Variants in GRIA4 observed in about 807,000 individuals in gnomAD.
GRIA4 encodes the protein glutamate ionotropic receptor AMPA type subunit 4, also known as glutamate receptor 4.
In GRIA4, 34 loss-of-function variants were observed where a neutral mutation model predicts 104.0. That is an observed-to-expected ratio of 0.33 (90% CI 0.25 to 0.44). The LOEUF is 0.44. GRIA4 is among the 20% of genes least tolerant of loss of function. GRIA4 has a pLI of 1.00. For missense variants in GRIA4, 750 were observed against 1,096.5 expected (o/e 0.68, Z 4.46); for synonymous variants, 386 against 381.9 (o/e 1.01, Z -0.13).
At chr11:105,911,315 T>C (rs1233581879) in intron 10 of GRIA4, among the ~76,000 whole-genome samples, 1 of 152,062 alleles carries the variant, frequency 6.6e-6, no homozygotes, top group African/African-American at 2.4e-5. Flanking sequence ...ATATCTTATA[T>C]ATTTTTCTCT....
chr11:105,640,624 C>G (rs1369889821), intron 3 of GRIA4, among the ~76,000 whole-genome samples: 1 of 151,158 alleles, frequency 6.6e-6, no homozygotes. Context: ...TTATTTTTTC[C>G]AGTGTTTGAC....
Position 105,949,458 on chromosome 11 carries a change from G to T in GRIA4, c.2294+15489G>T, listed in dbSNP as rs956593373. On this transcript the variant is annotated intron_variant, in intron 14 of 16. Coordinates refer to ENST00000282499, the MANE Select transcript of GRIA4 (RefSeq NM_000829.4). ...TTGCCCTGCATTAGGACTGAAAAGAGTATAAAGTACCCTAAAACACAGTTG... is the reference window on the plus strand; with the variant it reads ...TTGCCCTGCATTAGGACTGAAAAGATTATAAAGTACCCTAAAACACAGTTG... 4.6e-5 allele frequency among the ~76,000 whole-genome samples: 7 copies of T among 152,190 alleles called. No homozygotes were observed. The East Asian group carries it at 7.7e-4, about 17-fold the overall frequency.
At chr11:105,945,869 A>C (rs1179641819) in intron 14 of GRIA4, among the ~76,000 whole-genome samples, 1 of 152,188 alleles carries the variant, frequency 6.6e-6, no homozygotes, top group Non-Finnish European at 1.5e-5. Flanking sequence ...TATCAGCCAA[A>C]CAATAGTGCT....
chr11:105,611,514 A>G (rs2135238176), intron 2 of GRIA4, among the ~76,000 whole-genome samples: 1 of 152,314 alleles, frequency 6.6e-6, no homozygotes, highest in African/African-American at 2.4e-5. Context: ...CTATTACAGA[A>G]AGACACTGTT....
intron 3 of GRIA4, among the ~76,000 whole-genome samples, chr11:105,617,775 G>A (rs1247951464): frequency 6.6e-6 from 1 of 151,966 alleles, no homozygotes; most frequent in Non-Finnish European, 1.5e-5. Context: ...CTAGCAGCTG[G>A]CAACACAAAA....
chr11:105,785,706 T>C (rs1177232084), intron 4 of GRIA4, among the ~76,000 whole-genome samples: 3 of 152,206 alleles, frequency 2.0e-5, no homozygotes, highest in Non-Finnish European at 4.4e-5. Flanking sequence ...ACGACATTTC[T>C]AAACTGATAT....
chr11:105,719,656 C>T (rs1212209760), intron 3 of GRIA4, among the ~76,000 whole-genome samples: 2 of 151,912 alleles, frequency 1.3e-5, no homozygotes, highest in Non-Finnish European at 2.9e-5. Flanking sequence ...ACTCATGGGG[C>T]TTTTCTCCGT....
chr11:105,956,878 ATG>A (rs1401323508), intron 14 of GRIA4, among the ~76,000 whole-genome samples: 13 of 152,102 alleles, frequency 8.5e-5, no homozygotes, highest in Non-Finnish European at 1.8e-4. Flanking sequence ...GCATTTTTTC[ATG>A]TGTCTTTTGG....
chr11:105,862,325 G>C (rs982757914), intron 5 of GRIA4, 117 bp downstream of exon 5: 17 of 637,160 alleles, frequency 2.7e-5, no homozygotes, highest in Non-Finnish European at 4.7e-5. Context: ...TGAGGTTTGA[G>C]AGTTTTCATT....
rs1222328500 is a variant in GRIA4 at position 105,979,879 on chromosome 11, C to A, written c.*140C>A. 8.8e-6 allele frequency: 5 copies of A among 565,842 alleles called. No homozygotes were observed. Among genetic ancestry groups the A allele is most frequent in the East Asian group, 2.8e-5 (1 of 35,172 alleles). The allele number at this position is 565,842 out of a possible 1,614,324, so 35.1% of individuals were successfully genotyped here. ...GGGAAGTCCGTCCTAACGCGCTGGC[C>A]GGACATCAGCAGCAGCAACGTGTGC... is the stretch of plus-strand genomic sequence containing the variant. On this transcript the variant is annotated 3_prime_UTR_variant, in exon 17 of 17. Coordinates refer to ENST00000282499, the MANE Select transcript of GRIA4 (RefSeq NM_000829.4).
intron 11 of GRIA4, among the ~76,000 whole-genome samples, chr11:105,922,690 T>C (rs1328833994): frequency 1.3e-5 from 2 of 152,138 alleles, no homozygotes; most frequent in Non-Finnish European, 2.9e-5. Flanking sequence ...TTGTAAGATA[T>C]AATGTTCTAC....
At chr11:105,909,819 T>C (rs1224917898) in intron 9 of GRIA4, among the ~76,000 whole-genome samples, 1 of 152,090 alleles carries the variant, frequency 6.6e-6, no homozygotes, top group East Asian at 1.9e-4. Context: ...ATAAAAAAAA[T>C]TTTAAATGAA....
chr11:105,627,102 G>T (rs1950904613), intron 3 of GRIA4, among the ~76,000 whole-genome samples: 1 of 152,130 alleles, frequency 6.6e-6, no homozygotes, highest in South Asian at 2.1e-4. Flanking sequence ...ACCTCTCATA[G>T]GTGTTGGGGG....
At chr11:105,968,600 C>T (rs1591497402) in intron 14 of GRIA4, among the ~76,000 whole-genome samples, 2 of 152,156 alleles carry the variant, frequency 1.3e-5, no homozygotes, top group Non-Finnish European at 2.9e-5. Flanking sequence ...CTGCATCTTA[C>T]ACGAAATAAA....
intron 14 of GRIA4, among the ~76,000 whole-genome samples, chr11:105,959,011 G>A (rs547812843): frequency 1.4e-4 from 22 of 152,236 alleles, no homozygotes; most frequent in African/African-American, 5.3e-4. Flanking sequence ...CTTTGTAGGT[G>A]ACCTGGCCTG....
At chr11:105,734,568 T>C (rs1464297472) in intron 3 of GRIA4, among the ~76,000 whole-genome samples, 1 of 152,114 alleles carries the variant, frequency 6.6e-6, no homozygotes, top group Non-Finnish European at 1.5e-5. Context: ...CCATCTTCCT[T>C]AGGATAAAGT....
At chr11:105,798,728 T>G (rs2135829081) in intron 4 of GRIA4, among the ~76,000 whole-genome samples, 1 of 152,222 alleles carries the variant, frequency 6.6e-6, no homozygotes, top group African/African-American at 2.4e-5. Context: ...AACAGGATTC[T>G]GAATGTGACA....
intron 3 of GRIA4, among the ~76,000 whole-genome samples, chr11:105,643,471 C>T (rs1055619477): frequency 2.0e-5 from 3 of 152,140 alleles, no homozygotes; most frequent in Non-Finnish European, 4.4e-5. Context: ...TCTATTTTTA[C>T]CCCATGTTTC....
chr11:105,736,978 T>C (rs1211516583), intron 3 of GRIA4, among the ~76,000 whole-genome samples: 1 of 152,082 alleles, frequency 6.6e-6, no homozygotes, highest in East Asian at 1.9e-4. Flanking sequence ...AAATTATTAG[T>C]AGTATAATTT....
Sources: allele counts gnomAD v4.1 joint callset (sites outside exome capture counted in the v4.1 genomes callset), GRCh38; gene constraint gnomAD v4.1.1; transcripts MANE v1.5; gene names NCBI Gene and HGNC (gene_info 2026-07-23, HGNC 2026-07-21).